NRP1: variants seen among roughly 807,000 people sequenced by gnomAD.
The protein encoded by NRP1 is neuropilin 1.
A neutral mutation model predicts 106.7 loss-of-function variants in NRP1; 35 were observed. The observed-to-expected ratio is 0.33, with a 90% CI of 0.25 to 0.43. The LOEUF is 0.43. NRP1 is among the 20% of genes least tolerant of loss of function. The probability of loss-of-function intolerance (pLI) is 1.00; values close to 1 mark genes in which losing one functional copy is unlikely to be tolerated. For synonymous variants in NRP1, 437 were observed against 417.9 expected (o/e 1.05, Z -0.56); for missense variants, 1,024 against 1,170.4 (o/e 0.87, Z 1.83).
chr10:33,229,876 A>G (rs566477228), intron 6 of NRP1, among the ~76,000 whole-genome samples: 23 of 152,292 alleles, frequency 1.5e-4, no homozygotes, highest in African/African-American at 5.1e-4. Flanking sequence ...TTGTAATTGC[A>G]TAGTTTCCTG....
At chr10:33,223,653 T>C (rs562630271) in intron 7 of NRP1, among the ~76,000 whole-genome samples, 8 of 152,268 alleles carry the variant, frequency 5.3e-5, no homozygotes, top group Admixed American at 5.2e-4. Context: ...AAGTCAGTTT[T>C]TAGCCTGATC....
intron 4 of NRP1, among the ~76,000 whole-genome samples, chr10:33,261,500 C>A (rs1246519188): frequency 6.6e-6 from 1 of 152,090 alleles, no homozygotes; most frequent in African/African-American, 2.4e-5. Flanking sequence ...GAACTCTGGG[C>A]AAATCTCATT....
chr10:33,334,156 C>A (rs1564499711), intron 1 of NRP1, among the ~76,000 whole-genome samples, 154 bp downstream of exon 1: 1 of 152,180 alleles, frequency 6.6e-6, no homozygotes, highest in Non-Finnish European at 1.5e-5. Flanking sequence ...CGCCTGATCT[C>A]ATTTCTTCTT....
At chr10:33,201,602 A>C (rs1416985683) in intron 11 of NRP1, 1 of 152,180 alleles carries the variant, frequency 6.6e-6, no homozygotes, top group Non-Finnish European at 1.5e-5. Flanking sequence ...GTTACACAGA[A>C]AATGTCTCTG....
chr10:33,190,000 TA>T (rs917572851), intron 13 of NRP1, among the ~76,000 whole-genome samples: 1 of 152,192 alleles, frequency 6.6e-6, no homozygotes, highest in African/African-American at 2.4e-5. Flanking sequence ...AACTGCCAAG[TA>T]AATCTGGGTG....
At chr10:33,301,588 G>A (rs1352936638) in intron 2 of NRP1, among the ~76,000 whole-genome samples, 2 of 152,066 alleles carry the variant, frequency 1.3e-5, no homozygotes, top group Admixed American at 6.6e-5. Context: ...AGACGATCAC[G>A]GTCCACTGTG....
Position 33,226,157 on chromosome 10 carries a change from T to C in NRP1, c.1114A>G (p.Ile372Val), listed in dbSNP as rs773543182. The change falls in exon 7 of 17, where the codon ATA (isoleucine) becomes GTA (valine). Residue 372 changes from isoleucine to valine, a missense_variant. Physicochemically the swap from Ile to Val is conservative, Grantham distance 29 (BLOSUM62 3). Coordinates refer to ENST00000374867, the MANE Select transcript of NRP1 (RefSeq NM_003873.7). ...VSSNGEDWITIKEGNKPVLFQ... is the reference protein window; with the variant it reads ...VSSNGEDWITVKEGNKPVLFQ... ...ACAACAGGTTTGTTTCCTTCTTTTA[T>C]GGTGATCCAGTCTTCCCCGTTGGAG... 4 of 1,614,178 alleles carry C rather than the reference T, an allele frequency of 2.5e-6. No homozygotes were observed. Among genetic ancestry groups the C allele is most frequent in the South Asian group, 2.2e-5 (2 of 91,080 alleles).
At chr10:33,274,975 C>T (rs1843581253) in intron 2 of NRP1, among the ~76,000 whole-genome samples, 1 of 152,076 alleles carries the variant, frequency 6.6e-6, no homozygotes, top group Non-Finnish European at 1.5e-5. Context: ...GCTGTGCTGC[C>T]GTCCAAGAAT....
At chr10:33,212,062 T>C (rs2132797744) in intron 9 of NRP1, 1 of 152,326 alleles carries the variant, frequency 6.6e-6, no homozygotes, top group East Asian at 1.9e-4. Context: ...AATTTAGCCA[T>C]CACTCTAAGT....
chr10:33,253,995 A>T (rs1401524388), intron 6 of NRP1, 33 bp downstream of exon 6: 4 of 1,561,900 alleles, frequency 2.6e-6, no homozygotes, highest in Non-Finnish European at 3.4e-6. Context: ...AAACTTATTC[A>T]ATCCTAGATA....
At position 33,330,725 on chromosome 10, in the gene NRP1, C is replaced by G. The variant is rs1346722965; in HGVS notation, c.231G>C (p.Leu77Phe). ...IMINFNPHFD[L>F]EDRDCKYDYV... ...CCACTTACTTGCAGTCTCTGTCCTC[C>G]AAATCGAAGTGAGGGTTGAAGTTGA... The change falls in exon 2 of 17, where the codon TTG (leucine) becomes TTC (phenylalanine). Residue 77 changes from leucine to phenylalanine, a missense_variant. Physicochemically the swap from Leu to Phe is conservative, Grantham distance 22. Transcript: ENST00000374867. The G allele has an allele frequency of 6.2e-7, 1 of 1,612,446 alleles. No individual in the cohort carries two copies. Among genetic ancestry groups the G allele is most frequent in the East Asian group, 2.2e-5 (1 of 44,844 alleles).
chr10:33,214,136 C>G (rs989580022), intron 8 of NRP1, among the ~76,000 whole-genome samples: 5 of 152,078 alleles, frequency 3.3e-5, no homozygotes, highest in African/African-American at 1.2e-4. Flanking sequence ...GGTAAAGAGA[C>G]AGTGATGCAG....
intron 2 of NRP1, among the ~76,000 whole-genome samples, chr10:33,281,578 C>T (rs1388148062): frequency 6.6e-6 from 1 of 152,180 alleles, no homozygotes; most frequent in Non-Finnish European, 1.5e-5. Context: ...TACCTGACAT[C>T]TGGCAGTGAA....
At chr10:33,234,605 C>T (rs534730832) in intron 6 of NRP1, among the ~76,000 whole-genome samples, 6 of 152,002 alleles carry the variant, frequency 3.9e-5, no homozygotes, top group South Asian at 2.1e-4. Flanking sequence ...ATGGTAGCAA[C>T]GAAACATTTT....
intron 8 of NRP1, among the ~76,000 whole-genome samples, chr10:33,216,372 G>A (rs1423303649): frequency 2.6e-5 from 4 of 151,938 alleles, no homozygotes; most frequent in South Asian, 2.1e-4. Context: ...TCCTGACCTC[G>A]TGATGCCTGC....
chr10:33,276,245 T>C (rs1843686873), intron 2 of NRP1, among the ~76,000 whole-genome samples: 1 of 152,266 alleles, frequency 6.6e-6, no homozygotes, highest in Non-Finnish European at 1.5e-5. Context: ...CCTGTTTGCC[T>C]TATTTTCCAT....
intron 10 of NRP1, 58 bp downstream of exon 10, chr10:33,207,514 A>T: frequency 6.2e-7 from 1 of 1,602,080 alleles, no homozygotes; most frequent in Non-Finnish European, 8.5e-7. Context: ...AGGGGCATAA[A>T]TGCATGGAAG....
At chr10:33,233,739 T>TA (rs1027604947) in intron 6 of NRP1, among the ~76,000 whole-genome samples, 1 of 152,202 alleles carries the variant, frequency 6.6e-6, no homozygotes, top group East Asian at 1.9e-4. Flanking sequence ...GAGGTCTGAT[T>TA]AAAAACAGGA....
intron 2 of NRP1, among the ~76,000 whole-genome samples, chr10:33,323,263 A>G (rs1263039347): frequency 6.6e-6 from 1 of 152,044 alleles, no homozygotes; most frequent in Non-Finnish European, 1.5e-5. Context: ...AGTCATAATT[A>G]TTCCTTCCCA....
Sources: gnomAD v4.1 joint callset for allele counts (sites outside exome capture counted in the v4.1 genomes callset) on GRCh38, gnomAD v4.1.1 for gene constraint, MANE v1.5 for transcripts, NCBI Gene and HGNC (gene_info 2026-07-23, HGNC 2026-07-21) for gene names.